The following DLC1 variants were observed in gnomAD, a reference collection of about 807,000 sequenced individuals.
DLC1 encodes DLC1 Rho GTPase activating protein.
DLC1 carries 54 observed loss-of-function variants against 140.3 expected under a neutral mutation model. The observed-to-expected ratio is 0.38, with a 90% CI of 0.31 to 0.48. DLC1 has a LOEUF of 0.48. Ranked by LOEUF, DLC1 falls within the 20% of genes least tolerant of loss-of-function variation. The pLI is 0.96. For missense variants in DLC1, 2,536 were observed against 1,907.0 expected (o/e 1.33, Z -6.14); for synonymous variants, 986 against 728.1 (o/e 1.35, Z -5.70).
chr8:13,492,191 T>TGGAGATA (rs1801281596), intron 2 of DLC1, among the ~76,000 whole-genome samples: 1 of 151,588 alleles, frequency 6.6e-6, no homozygotes, highest in Admixed American at 6.6e-5. Flanking sequence ...ATCTGAGGGT[T>TGGAGATA]CCACCTCTAG....
In DLC1 at chr8:13,091,362, G is replaced by C; in HGVS notation, c.3811C>G (p.Gln1271Glu). 1 of 1,614,168 alleles carries C rather than the reference G, an allele frequency of 6.2e-7. No individual in the cohort carries two copies. Among genetic ancestry groups the C allele is most frequent in the Non-Finnish European group, 8.5e-7 (1 of 1,180,032 alleles). ...TCGGCGATCATATGGGCCAGCCCTT[G>C]AGTGGCAGCTAGGTTTTCATTCAAA... is the stretch of plus-strand genomic sequence containing the variant. ...KDLNENLAAT[Q>E]GLAHMIAECK... The change falls in exon 14 of 18, where the codon CAA becomes GAA. Residue 1271 changes from glutamine to glutamate, a missense_variant. Physicochemically the swap from Gln to Glu is conservative, Grantham distance 29. Transcript: ENST00000276297.
intron 3 of DLC1, among the ~76,000 whole-genome samples, chr8:13,396,769 A>T (rs906202107): frequency 6.6e-6 from 1 of 152,152 alleles, no homozygotes; most frequent in Non-Finnish European, 1.5e-5. Flanking sequence ...ACAAATCTTT[A>T]TTATTTTCTC....
chr8:13,197,027 GT>G (rs1406653464), intron 5 of DLC1, among the ~76,000 whole-genome samples: 1 of 152,188 alleles, frequency 6.6e-6, no homozygotes, highest in Non-Finnish European at 1.5e-5. Context: ...TCCAGTAGTT[GT>G]TTTTCTGATG....
rs181224452 is a variant in DLC1, at chr8:13,261,937, C to G, written c.1348+43332G>C. Among the ~76,000 whole-genome samples the G allele has an allele frequency of 2.3e-3, 343 of 152,256 alleles. 3 individuals are homozygous for G. Among genetic ancestry groups the G allele is most frequent in the African/African-American group, 7.7e-3 (319 of 41,544 alleles). On this transcript the variant is annotated intron_variant, in intron 5 of 17. Coordinates refer to ENST00000276297, the MANE Select transcript of DLC1 (RefSeq NM_182643.3). ...ATTAAATAATAATTCAGGAAAAGCTCTAAGCATTGAATGTGTCTAATAGGT... is the reference window on the plus strand; with the variant it reads ...ATTAAATAATAATTCAGGAAAAGCTGTAAGCATTGAATGTGTCTAATAGGT...
At position 13,100,258 on chromosome 8, in the gene DLC1, G is replaced by A. The variant is rs1317207643; in HGVS notation, c.2079C>T (p.Ile693=). Residue 693 remains isoleucine, a synonymous_variant, in exon 9 of 18, where the codon ATC becomes ATT. Coordinates refer to ENST00000276297, the MANE Select transcript of DLC1 (RefSeq NM_182643.3). ...CCTCTTGCAAGATGGGCCCGCTGATGATCAACCCCAGCTTTGAGGGCGCTT... is the reference window on the plus strand; with the variant it reads ...CCTCTTGCAAGATGGGCCCGCTGATAATCAACCCCAGCTTTGAGGGCGCTT... ...KHKAPSKLGL[I]ISGPILQEGM... 3.1e-6 allele frequency: 5 copies of A among 1,614,030 alleles called. No individual in the cohort carries two copies. Among genetic ancestry groups the A allele is most frequent in the Non-Finnish European group, 4.2e-6 (5 of 1,180,044 alleles).
upstream of DLC1, chr8:13,515,518 C>T (rs117952554): frequency 6.6e-6 from 1 of 152,230 alleles, no homozygotes; most frequent in Non-Finnish European, 1.5e-5. Context: ...CAGGCTCCAT[C>T]TTGATCGTAT....
chr8:13,533,677 T>C (rs1442113648), intron 1 of DLC1, among the ~76,000 whole-genome samples: 1 of 152,170 alleles, frequency 6.6e-6, no homozygotes, highest in Non-Finnish European at 1.5e-5. Flanking sequence ...TCCATCATAA[T>C]TACTTTATAT....
intron 1 of DLC1, among the ~76,000 whole-genome samples, chr8:13,551,043 T>C (rs1803827223): frequency 2.0e-5 from 1 of 50,026 alleles, no homozygotes; most frequent in Admixed American, 3.1e-4. Context: ...CTCAGATTTC[T>C]TTAAACACAC....
intron 2 of DLC1, among the ~76,000 whole-genome samples, chr8:13,433,984 C>G (rs1839000578): frequency 6.6e-6 from 1 of 152,128 alleles, no homozygotes; most frequent in Admixed American, 6.5e-5. Context: ...GCCTCCCGAG[C>G]AGCTGCGATT....
intron 5 of DLC1, among the ~76,000 whole-genome samples, chr8:13,241,268 C>T (rs1383329962): frequency 3.3e-5 from 5 of 152,154 alleles, no homozygotes; most frequent in Admixed American, 2.0e-4. Context: ...GAACTGCTTT[C>T]AATTAAGCAT....
intron 3 of DLC1, among the ~76,000 whole-genome samples, chr8:13,398,713 G>T (rs916877504): frequency 5.3e-5 from 8 of 152,060 alleles, no homozygotes; most frequent in Non-Finnish European, 1.2e-4. Context: ...CAGAGCAATG[G>T]AATTTGAACC....
chr8:13,466,882 G>A (rs780809654), intron 2 of DLC1, among the ~76,000 whole-genome samples: 1 of 151,852 alleles, frequency 6.6e-6, no homozygotes, highest in African/African-American at 2.4e-5. Flanking sequence ...CTGTAGACTG[G>A]CAATAACTGA....
intron 5 of DLC1, among the ~76,000 whole-genome samples, chr8:13,218,907 C>T (rs57788158): frequency 2.3e-4 from 7 of 30,116 alleles, no homozygotes; most frequent in African/African-American, 1.1e-3. Context: ...TAATTACATA[C>T]GAATATATAA....
intron 5 of DLC1, among the ~76,000 whole-genome samples, chr8:13,257,407 A>G (rs1263598583): frequency 6.8e-6 from 1 of 146,794 alleles, no homozygotes. Context: ...ACTGCACAGT[A>G]GCCTGGGTGA....
At chr8:13,347,257 T>G (rs1406249251) in intron 4 of DLC1, among the ~76,000 whole-genome samples, 1 of 152,222 alleles carries the variant, frequency 6.6e-6, no homozygotes, top group East Asian at 1.9e-4. Flanking sequence ...ATGAAATCAA[T>G]CTTTCTAGTC....
chr8:13,336,372 A>G (rs1192725262), intron 4 of DLC1, among the ~76,000 whole-genome samples: 1 of 152,234 alleles, frequency 6.6e-6, no homozygotes, highest in African/African-American at 2.4e-5. Context: ...AATATTTGTT[A>G]CACTATATTA....
intron 1 of DLC1, among the ~76,000 whole-genome samples, chr8:13,583,512 G>A (rs1563456957): frequency 1.3e-5 from 2 of 152,108 alleles, no homozygotes; most frequent in Non-Finnish European, 2.9e-5. Context: ...TTCCTGTACT[G>A]AAGTCTTAAA....
At chr8:13,165,199 T>A (rs543960171) in intron 5 of DLC1, among the ~76,000 whole-genome samples, 3 of 152,310 alleles carry the variant, frequency 2.0e-5, no homozygotes, top group East Asian at 1.9e-4. Context: ...TATCTGAAAT[T>A]CAAATTTCAC....
intron 5 of DLC1, among the ~76,000 whole-genome samples, chr8:13,131,333 C>A (rs530882071): frequency 6.7e-4 from 102 of 152,088 alleles, no homozygotes; most frequent in African/African-American, 2.2e-3. Flanking sequence ...CTTCAGCAAA[C>A]AGAATTTTGG....
Sources: gnomAD v4.1 joint callset for allele counts (sites outside exome capture counted in the v4.1 genomes callset) on GRCh38, gnomAD v4.1.1 for gene constraint, MANE v1.5 for transcripts, NCBI Gene and HGNC (gene_info 2026-07-23, HGNC 2026-07-21) for gene names.